The following ZER1 variants were observed in gnomAD, a reference collection of about 807,000 sequenced individuals.
ZER1 encodes the protein protein zer-1 homolog.
Under a neutral mutation model 78.8 loss-of-function variants are expected in ZER1, and 11 were observed. The observed-to-expected ratio is 0.14, with a 90% confidence interval of 0.09 to 0.23. The LOEUF (loss-of-function observed/expected upper bound fraction) is 0.23. Among genes scored for constraint, ZER1 ranks in the 10% least tolerant of loss-of-function variants. The pLI is 1.00. For synonymous variants in ZER1, 400 were observed against 407.0 expected (o/e 0.98, Z 0.21); for missense variants, 588 against 996.9 (o/e 0.59, Z 5.52).
chr9:128,733,282 G>T (rs547996971), intron 15 of ZER1, 144 bp downstream of exon 15: 28 of 598,594 alleles, frequency 4.7e-5, no homozygotes, highest in African/African-American at 4.6e-4. Context: ...GCCCCAGGTG[G>T]ACATCAATAC....
chr9:128,772,098 C>T (rs975040285), upstream of ZER1, among the ~76,000 whole-genome samples: 1 of 152,288 alleles, frequency 6.6e-6, no homozygotes, highest in East Asian at 1.9e-4. Flanking sequence ...ATGCCCCCCC[C>T]AGGCCACCCG....
At chr9:128,734,082 C>T (rs1355562649) in intron 14 of ZER1, among the ~76,000 whole-genome samples, 3 of 85,840 alleles carry the variant, frequency 3.5e-5, no homozygotes, top group Non-Finnish European at 4.5e-5. Context: ...GAGTCGAGAT[C>T]GCGCCACTGC....
chr9:128,755,716 G>A lies in ZER1; in HGVS notation c.-94-57C>T. ...CACACAAGGGCTAGAACTATCAGTG[G>A]TCCCATGTCCACGCTCTGAGTAGGG... On this transcript the variant is annotated intron_variant, in intron 1 of 15. Transcript: ENST00000291900. The surrounding 1 kb of genome is among the most constrained non-coding windows in gnomAD (Gnocchi z 5.6). 1 of 1,001,894 alleles carries A rather than the reference G, an allele frequency of 1.0e-6. No individual in the cohort carries two copies. The highest frequency in any genetic ancestry group is 1.7e-5 in the South Asian group (1 of 58,702). The allele number at this position is 1,001,894 out of a possible 1,614,324, so 62.1% of individuals were successfully genotyped here.
intron 14 of ZER1, among the ~76,000 whole-genome samples, chr9:128,734,164 A>ATATAT (rs1862968813): frequency 5.7e-5 from 3 of 52,688 alleles, no homozygotes; most frequent in Non-Finnish European, 1.4e-4. Context: ...TATATATATA[A>ATATAT]AATCTTAAAA....
At chr9:128,743,356 T>G (rs1261071632) in intron 8 of ZER1, among the ~76,000 whole-genome samples, 1 of 152,144 alleles carries the variant, frequency 6.6e-6, no homozygotes, top group Non-Finnish European at 1.5e-5. Context: ...CCTCAAGTGA[T>G]CTGCCTGCCT....
At chr9:128,765,254 C>T (rs1055773233) in intron 1 of ZER1, among the ~76,000 whole-genome samples, 4 of 151,834 alleles carry the variant, frequency 2.6e-5, no homozygotes, top group South Asian at 2.1e-4. Context: ...CACACACGTG[C>T]GCAAGCGCGC....
At chr9:128,765,232 C>CAG (rs1864170312) in intron 1 of ZER1, among the ~76,000 whole-genome samples, 2 of 152,150 alleles carry the variant, frequency 1.3e-5, no homozygotes, top group Admixed American at 6.6e-5. Context: ...CACACACACA[C>CAG]ACACACACAC....
Position 128,737,693 on chromosome 9 carries a change from C to A in ZER1, c.2042+2238G>T, listed in dbSNP as rs1351864223. Among the ~76,000 whole-genome samples the A allele has an allele frequency of 7.9e-5, 12 of 152,184 alleles. No homozygotes were observed. The East Asian group carries it at 2.3e-3, about 29-fold the overall frequency. Reference sequence around the variant, plus strand: ...TCAGGGAGTGAGATTATGAACGATTCTTGTTTTCTTCTTCTTCTTTTTTTT... The same window carrying A: ...TCAGGGAGTGAGATTATGAACGATTATTGTTTTCTTCTTCTTCTTTTTTTT... On this transcript the variant is annotated intron_variant, in intron 13 of 15. Coordinates refer to ENST00000291900, the MANE Select transcript of ZER1 (RefSeq NM_006336.4).
At chr9:128,765,957 C>T (rs912026059) in intron 1 of ZER1, among the ~76,000 whole-genome samples, 1 of 152,148 alleles carries the variant, frequency 6.6e-6, no homozygotes, top group Non-Finnish European at 1.5e-5. Context: ...GACAGAGAGG[C>T]CTTGAGGAGG....
At chr9:128,765,481 A>ACC (rs1289081776) in intron 1 of ZER1, among the ~76,000 whole-genome samples, 6 of 151,998 alleles carry the variant, frequency 3.9e-5, no homozygotes, top group Admixed American at 3.9e-4. Flanking sequence ...CCTAAAGCAG[A>ACC]CCCCCGCTTC....
In ZER1 at chr9:128,753,311, G is replaced by A. The variant is rs761755630; in HGVS notation, c.599C>T (p.Ser200Phe). The stretch of plus-strand genomic sequence containing the variant: ...GCCTGAGAGGTCCAAGGCAGCCAGG[G>A]AGTTAAGCGGCCGCAGCAGGGACTC... ...PVESLLRPLN[S>F]LAALDLSGIQ... is the part of the protein sequence containing the mutation. The change falls in exon 4 of 16, where the codon TCC (serine) becomes TTC (phenylalanine). Residue 200 changes from serine (S) to phenylalanine (F), a missense_variant. Coordinates refer to ENST00000291900, the MANE Select transcript of ZER1 (RefSeq NM_006336.4). This position sits in a 1 kb window ranked among gnomAD's most constrained non-coding sequence, Gnocchi z 7.5. 16 of 1,612,766 alleles carry A rather than the reference G, an allele frequency of 9.9e-6. No individual in the cohort carries two copies. The highest frequency in any genetic ancestry group is 1.4e-5 in the Non-Finnish European group (16 of 1,179,478).
In ZER1 at chr9:128,758,697, C is replaced by T. The variant is rs957400250; in HGVS notation, c.-94-3038G>A. ...TCAAGCAATCTGCTTACCCCCGCCT[C>T]CCAAAGTGCTGGGATTACAGGCATG... is the stretch of plus-strand genomic sequence containing the variant. On this transcript the variant is annotated intron_variant, in intron 1 of 15. Transcript: ENST00000291900. 6.9e-4 allele frequency among the ~76,000 whole-genome samples: 105 copies of T among 152,110 alleles called. 1 individual carries two copies. The highest frequency in any genetic ancestry group is 6.9e-3 in the Admixed American group (105 of 15,248).
chr9:128,739,603 C>T (rs184044215), intron 13 of ZER1, among the ~76,000 whole-genome samples: 6 of 152,188 alleles, frequency 3.9e-5, no homozygotes, highest in African/African-American at 1.2e-4. Flanking sequence ...CTACTGTGCC[C>T]GGCCCACCTG....
intron 13 of ZER1, among the ~76,000 whole-genome samples, chr9:128,735,977 C>G (rs1265751316): frequency 1.3e-5 from 2 of 151,516 alleles, no homozygotes; most frequent in African/African-American, 2.4e-5. Context: ...GAGACAGAGT[C>G]TTGCTCTGTC....
chr9:128,734,144 A>AAAAAAAAATATAT, intron 14 of ZER1, among the ~76,000 whole-genome samples: 2 of 14,444 alleles, frequency 1.4e-4, no homozygotes, highest in African/African-American at 3.7e-4. Flanking sequence ...AAAAAAAAAA[A>AAAAAAAAATATAT]ATATATATAT....
intron 13 of ZER1, among the ~76,000 whole-genome samples, chr9:128,736,172 G>A (rs1290523450): frequency 6.6e-6 from 1 of 151,904 alleles, no homozygotes; most frequent in Non-Finnish European, 1.5e-5. Flanking sequence ...GGATGGTCTC[G>A]ATCTCCTGAC....
chr9:128,731,437 T>TGGGGGGGTGTGGGGGGGGGGGTGGGGG, intron 15 of ZER1, 43 bp from the exon 16 acceptor site: 1 of 451,618 alleles, frequency 2.2e-6, no homozygotes, highest in Non-Finnish European at 4.3e-6. Flanking sequence ...TGGGCTTGGG[T>TGGGGGGGTGTGGGGGGGGGGGTGGGGG]GGGGGTGAGC....
chr9:128,761,547 A>G lies in ZER1; in HGVS notation c.-94-5888T>C, dbSNP rs995056641. On this transcript the variant is annotated intron_variant, in intron 1 of 15. Coordinates refer to ENST00000291900, the MANE Select transcript of ZER1 (RefSeq NM_006336.4). ...GGTGATCCACCCGCCTCGCCTCCCAAAATGGTGGAACTACAGTCATGAGCC... is the reference window on the plus strand; with the variant it reads ...GGTGATCCACCCGCCTCGCCTCCCAGAATGGTGGAACTACAGTCATGAGCC... Among the ~76,000 whole-genome samples, 12 of 151,206 alleles carry G rather than the reference A, an allele frequency of 7.9e-5. No individual in the cohort carries two copies. In the East Asian group the frequency reaches 2.4e-3, roughly 30 times the overall value.
intron 1 of ZER1, among the ~76,000 whole-genome samples, chr9:128,771,166 C>G (rs1864371746): frequency 6.6e-6 from 1 of 152,234 alleles, no homozygotes; most frequent in South Asian, 2.1e-4. Flanking sequence ...ACCTGTCGGG[C>G]TCCCTTGGCC....
Sources: allele counts gnomAD v4.1 joint callset (sites outside exome capture counted in the v4.1 genomes callset), GRCh38; gene constraint gnomAD v4.1.1; non-coding constraint Gnocchi (gnomAD v3.1); transcripts MANE v1.5; gene names NCBI Gene and HGNC (gene_info 2026-07-23, HGNC 2026-07-21).